RAD54L: variants seen among roughly 807,000 people sequenced by gnomAD.
The protein encoded by RAD54L is DNA repair and recombination protein RAD54-like.
Under a neutral mutation model 91.6 loss-of-function variants are expected in RAD54L, and 74 were observed. That is an observed-to-expected ratio of 0.81 (90% confidence interval 0.67 to 0.98). The LOEUF is 0.98. Ranked by LOEUF, RAD54L falls within the 50% of genes least tolerant of loss-of-function variation. The pLI is 0.00. For synonymous variants in RAD54L, 304 were observed against 349.7 expected (o/e 0.87, Z 1.46); for missense variants, 887 against 945.7 (o/e 0.94, Z 0.81).
chr1:46,278,080 G>A lies in RAD54L; in HGVS notation c.2042G>A (p.Cys681Tyr), dbSNP rs2148308625. The A allele has an allele frequency of 6.2e-7, 1 of 1,614,124 alleles. No individual in the cohort carries two copies. Among genetic ancestry groups the A allele is most frequent in the Non-Finnish European group, 8.5e-7 (1 of 1,180,000 alleles). Residue 681 changes from cysteine to tyrosine, a missense_variant, in exon 18 of 18, where the codon TGC (cysteine) becomes TAC (tyrosine). Cys to Tyr is a radical substitution (Grantham distance 194, BLOSUM62 -2). Transcript: ENST00000371975. ...GTGCCTTCTGTCCCTAGGTTGCACTGCCGACGTTGTGTCAACAGCCGTCAG... is the reference window on the plus strand; with the variant it reads ...GTGCCTTCTGTCCCTAGGTTGCACTACCGACGTTGTGTCAACAGCCGTCAG... ...SLSDTHDRLH[C>Y]RRCVNSRQIR...
intron 16 of RAD54L, among the ~76,000 whole-genome samples, chr1:46,276,781 C>T (rs746821624): frequency 6.6e-6 from 1 of 152,188 alleles, no homozygotes; most frequent in Non-Finnish European, 1.5e-5. Flanking sequence ...AGATTAAGGC[C>T]TTCAGCATGG....
At position 46,270,774 on chromosome 1, in the gene RAD54L, C is replaced by G. The variant is rs767442837; in HGVS notation, c.1158C>G (p.Ser386Arg). The stretch of plus-strand genomic sequence containing the variant: ...AGGAGCGGCTGCGGGAGCTCACCAG[C>G]ATTGTGAATAGGTAATGACCTTAAG... The part of the protein sequence containing the change: ...LGEERLRELT[S>R]IVNRCLIRRT... The change falls in exon 10 of 18, where the codon AGC becomes AGG. Residue 386 changes from serine (S) to arginine (R), a missense_variant. Ser to Arg is a moderately radical substitution (Grantham distance 110). Coordinates refer to ENST00000371975, the MANE Select transcript of RAD54L (RefSeq NM_003579.4). 2 of 1,614,150 alleles carry G rather than the reference C, an allele frequency of 1.2e-6. No individual in the cohort carries two copies. The highest frequency in any genetic ancestry group is 3.3e-5 in the Admixed American group (2 of 60,018).
At chr1:46,262,641 G>C (rs1326600649) in intron 8 of RAD54L, among the ~76,000 whole-genome samples, 1 of 152,010 alleles carries the variant, frequency 6.6e-6, no homozygotes, top group African/African-American at 2.4e-5. Flanking sequence ...TTCTAGTCTT[G>C]TCTTTGTCCC....
At chr1:46,249,321 C>T (rs1659737569) in intron 2 of RAD54L, among the ~76,000 whole-genome samples, 1 of 152,182 alleles carries the variant, frequency 6.6e-6, no homozygotes, top group Non-Finnish European at 1.5e-5. Flanking sequence ...CTTACAGGAT[C>T]ACTGAGGCTT....
At chr1:46,271,664 A>T (rs933664963) in intron 10 of RAD54L, among the ~76,000 whole-genome samples, 10 of 152,282 alleles carry the variant, frequency 6.6e-5, no homozygotes, top group African/African-American at 2.4e-4. Flanking sequence ...CTCAAAAAAA[A>T]AAAATTAGAT....
chr1:46,251,373 A>G (rs1007298373), intron 3 of RAD54L, among the ~76,000 whole-genome samples: 4 of 152,220 alleles, frequency 2.6e-5, no homozygotes, highest in African/African-American at 9.6e-5. Context: ...GATATATTAC[A>G]TAAGTTATAA....
chr1:46,264,918 T>A (rs748253947), intron 8 of RAD54L, among the ~76,000 whole-genome samples: 15 of 152,208 alleles, frequency 9.9e-5, no homozygotes, highest in Non-Finnish European at 1.6e-4. Context: ...TGGGGTTGGC[T>A]TTCTCTTTTG....
At chr1:46,275,036 G>C (rs900076737) in intron 16 of RAD54L, among the ~76,000 whole-genome samples, 3 of 152,176 alleles carry the variant, frequency 2.0e-5, no homozygotes, top group African/African-American at 7.2e-5. Context: ...CATTCTCCAA[G>C]TTATAAATTA....
chr1:46,270,174 C>T (rs761022214), intron 9 of RAD54L, among the ~76,000 whole-genome samples: 1 of 151,948 alleles, frequency 6.6e-6, no homozygotes, highest in Non-Finnish European at 1.5e-5. Context: ...TCGAGACCAG[C>T]GTGGCCAACA....
Position 46,273,670 on chromosome 1 carries a change from T to A in RAD54L, c.1533T>A (p.Arg511=), listed in dbSNP as rs747295532. 4 of 1,614,042 alleles carry A rather than the reference T, an allele frequency of 2.5e-6. No individual in the cohort carries two copies. The highest frequency in any genetic ancestry group is 3.4e-6 in the Non-Finnish European group (4 of 1,180,014). The part of the protein sequence containing the change: ...LDYILAVTRS[R]SSDKVVLVSN... ...ATATTCTGGCGGTGACCCGAAGCCG[T>A]AGCAGTGACAAAGTAGTGCTGGTGT... The change falls in exon 14 of 18, where the codon CGT becomes CGA. Residue 511 remains arginine (R), a synonymous_variant. Coordinates refer to ENST00000371975, the MANE Select transcript of RAD54L (RefSeq NM_003579.4).
At chr1:46,273,804 G>A (rs1479527403) in intron 14 of RAD54L, 57 bp downstream of exon 14, 5 of 1,555,722 alleles carry the variant, frequency 3.2e-6, no homozygotes, top group Non-Finnish European at 4.4e-6. Context: ...CCTACTGTCT[G>A]TCTAGTTCTG....
intron 16 of RAD54L, 60 bp from the exon 17 acceptor site, chr1:46,277,757 C>G (rs1032842899): frequency 7.8e-6 from 12 of 1,536,410 alleles, no homozygotes; most frequent in African/African-American, 1.4e-5. Context: ...TTCCTGCTCC[C>G]TTTTTATGAG....
In RAD54L at chr1:46,272,800, A is replaced by G; in HGVS notation, c.1373A>G (p.Asn458Ser). The G allele has an allele frequency of 6.2e-7, 1 of 1,614,138 alleles. No individual in the cohort carries two copies. Among genetic ancestry groups the G allele is most frequent in the Non-Finnish European group, 8.5e-7 (1 of 1,180,010 alleles). ...ATCACCTCGCTAAAGAAGCTTTGTA[A>G]TCGTGAGTTGGGCTTGTGTCCTGGT... is the stretch of plus-strand genomic sequence containing the variant. ...SSITSLKKLCNHPALIYDKCV... is the reference protein window; with the variant it reads ...SSITSLKKLCSHPALIYDKCV... Residue 458 changes from asparagine (N) to serine (S), a missense_variant and splice_region_variant, in exon 12 of 18, where the codon AAT becomes AGT. Physicochemically the swap from Asn to Ser is conservative, Grantham distance 46. Transcript: ENST00000371975.
At position 46,272,540 on chromosome 1, in the gene RAD54L, G is replaced by C. The variant is rs1415795271; in HGVS notation, c.1244G>C (p.Arg415Thr). The C allele has an allele frequency of 6.8e-6, 11 of 1,610,968 alleles. No individual in the cohort carries two copies. The highest frequency in any genetic ancestry group is 9.3e-6 in the Non-Finnish European group (11 of 1,177,276). ...AAGATTGAGCAGGTCGTTTGTTGTA[G>C]GTACTGAACTCAACTGAAAGATGTG... ...PVKIEQVVCC[R>T]LTPLQTELYK... The change falls in exon 11 of 18, where the codon AGG becomes ACG. Residue 415 changes from arginine (R) to threonine (T), a missense_variant and splice_region_variant. Coordinates refer to ENST00000371975, the MANE Select transcript of RAD54L (RefSeq NM_003579.4).
At chr1:46,269,639 T>C (rs547695692) in intron 9 of RAD54L, among the ~76,000 whole-genome samples, 1 of 152,306 alleles carries the variant, frequency 6.6e-6, no homozygotes, top group East Asian at 1.9e-4. Flanking sequence ...AGAATCAACT[T>C]GTCAATTTAT....
intron 14 of RAD54L, 152 bp from the exon 15 acceptor site, chr1:46,273,986 C>A: frequency 2.1e-6 from 2 of 971,704 alleles, no homozygotes; most frequent in Non-Finnish European, 3.2e-6. Flanking sequence ...CCTTTGGGAG[C>A]TTAGGGCCTC....
At position 46,260,561 on chromosome 1, in the gene RAD54L, G is replaced by A; in HGVS notation, c.427G>A (p.Val143Met). 1 of 1,614,150 alleles carries A rather than the reference G, an allele frequency of 6.2e-7. No homozygotes were observed. Residue 143 changes from valine (V) to methionine (M), a missense_variant, in exon 6 of 18, where the codon GTG becomes ATG. Coordinates refer to ENST00000371975, the MANE Select transcript of RAD54L (RefSeq NM_003579.4). ...TCTCAGGGAGAAACTCCCTGTCCAT[G>A]TGGTTGTTGACCCTATTCTCAGTAA... The part of the protein sequence containing the change: ...KLDKEKLPVH[V>M]VVDPILSKVL...
Position 46,278,366 on chromosome 1 carries a change from G to A in RAD54L, c.*84G>A, listed in dbSNP as rs1045653379. The A allele has an allele frequency of 2.8e-6, 4 of 1,431,962 alleles. No homozygotes were observed. The highest frequency in any genetic ancestry group is 3.8e-6 in the Non-Finnish European group (4 of 1,040,600). The allele number at this position is 1,431,962 out of a possible 1,614,324, so 88.7% of individuals were successfully genotyped here. A position where few individuals can be genotyped will look rare whatever the true frequency, so the allele number is the denominator to read the frequency against. On this transcript the variant is annotated 3_prime_UTR_variant, in exon 18 of 18. Transcript: ENST00000371975. ...GCTCCACAGGGCCCTGTTGAATTTT[G>A]TTCTCTGGGAGAAAATCATCAAGAA... is the stretch of plus-strand genomic sequence containing the variant.
chr1:46,258,486 A>G (rs1347058111), intron 3 of RAD54L, among the ~76,000 whole-genome samples, 200 bp from the exon 4 acceptor site: 2 of 152,142 alleles, frequency 1.3e-5, no homozygotes, highest in Admixed American at 1.3e-4. Flanking sequence ...ATGGTTTTTA[A>G]TGAGTGAATG....
Sources: gnomAD v4.1 joint callset for allele counts (sites outside exome capture counted in the v4.1 genomes callset) on GRCh38, gnomAD v4.1.1 for gene constraint, MANE v1.5 for transcripts, NCBI Gene and HGNC (gene_info 2026-07-23, HGNC 2026-07-21) for gene names.